JAK2: variants seen among roughly 807,000 people sequenced by gnomAD.
JAK2 encodes the protein tyrosine-protein kinase JAK2.
JAK2 carries 86 observed loss-of-function variants against 139.3 expected under a neutral mutation model. The ratio of observed to expected loss-of-function variants is 0.62; its 90% CI spans 0.52 to 0.74. JAK2 has a LOEUF of 0.74. Ranked by LOEUF, JAK2 falls within the 30% of genes least tolerant of loss-of-function variation. JAK2 has a pLI of 0.00. For missense variants in JAK2, 1,421 were observed against 1,360.3 expected (o/e 1.04, Z -0.70); for synonymous variants, 490 against 437.7 (o/e 1.12, Z -1.49).
chr9:5,068,643 A>G (rs543210044), intron 10 of JAK2, among the ~76,000 whole-genome samples: 1 of 152,224 alleles, frequency 6.6e-6, no homozygotes, highest in Non-Finnish European at 1.5e-5. Flanking sequence ...CGTAGGTTGT[A>G]TGTTGGCAGT....
intron 14 of JAK2, 105 bp from the exon 15 acceptor site, chr9:5,077,348 T>C: frequency 2.5e-6 from 1 of 392,450 alleles, no homozygotes; most frequent in Non-Finnish European, 4.2e-6. Context: ...GCCAATTTAA[T>C]TTCTTTACCT....
At chr9:4,998,938 CA>C (rs1301680725) in intron 2 of JAK2, among the ~76,000 whole-genome samples, 3 of 151,872 alleles carry the variant, frequency 2.0e-5, no homozygotes, top group African/African-American at 7.3e-5. Context: ...TCTCCTGCCT[CA>C]GCCTCCGGAG....
chr9:5,076,950 A>G (rs964384677), intron 14 of JAK2, among the ~76,000 whole-genome samples: 3 of 151,898 alleles, frequency 2.0e-5, no homozygotes, highest in Admixed American at 6.6e-5. Context: ...TTTTTTAAAA[A>G]AGTTTTAAAG....
chr9:5,074,394 T>C (rs1186081713), intron 14 of JAK2, among the ~76,000 whole-genome samples: 1 of 152,182 alleles, frequency 6.6e-6, no homozygotes, highest in Non-Finnish European at 1.5e-5. Context: ...GTCAGCAACA[T>C]TTTCCCAACA....
intron 2 of JAK2, among the ~76,000 whole-genome samples, chr9:5,016,949 A>G (rs1470371279): frequency 6.6e-6 from 1 of 152,246 alleles, no homozygotes; most frequent in East Asian, 1.9e-4. Context: ...GAAAAAAGAC[A>G]TGAATCTTTA....
intron 19 of JAK2, chr9:5,084,958 A>T: frequency 1.5e-6 from 1 of 680,562 alleles, no homozygotes; most frequent in Non-Finnish European, 2.6e-6. Context: ...TCTTAGGCAC[A>T]GTCTGAGATA....
intron 2 of JAK2, among the ~76,000 whole-genome samples, chr9:5,020,177 CGAT>C (rs1822320520): frequency 6.6e-6 from 1 of 152,076 alleles, no homozygotes; most frequent in African/African-American, 2.4e-5. Context: ...GCAGTGACGG[CGAT>C]TGGCTGGGTA....
At position 5,116,003 on chromosome 9, in the gene JAK2, C is replaced by G. The variant is rs896770277; in HGVS notation, c.3060-7001C>G. On this transcript the variant is annotated intron_variant, in intron 22 of 24. Coordinates refer to ENST00000381652, the MANE Select transcript of JAK2 (RefSeq NM_004972.4). Reference sequence around the variant, plus strand: ...GCAAACCACCATGACACGTGTATACCTACGTTAACAAACCTGCACCTTCTG... The same window carrying G: ...GCAAACCACCATGACACGTGTATACGTACGTTAACAAACCTGCACCTTCTG... Among the ~76,000 whole-genome samples, 5 of 151,818 alleles carry G rather than the reference C, an allele frequency of 3.3e-5. No individual in the cohort carries two copies. The East Asian group carries it at 7.7e-4, about 23-fold the overall frequency.
At chr9:5,046,294 T>C (rs571492574) in intron 5 of JAK2, among the ~76,000 whole-genome samples, 1 of 152,328 alleles carries the variant, frequency 6.6e-6, no homozygotes, top group African/African-American at 2.4e-5. Context: ...TAGAAATTAT[T>C]ATTCTGGATC....
chr9:5,103,641 C>G (rs1821709060), intron 22 of JAK2, among the ~76,000 whole-genome samples: 1 of 152,206 alleles, frequency 6.6e-6, no homozygotes, highest in Non-Finnish European at 1.5e-5. Flanking sequence ...CGACATCACA[C>G]TTATTCCAAA....
intron 4 of JAK2, among the ~76,000 whole-genome samples, chr9:5,038,499 T>A (rs1318568727): frequency 6.6e-6 from 1 of 151,612 alleles, no homozygotes; most frequent in East Asian, 1.9e-4. Context: ...ATGTTGTAGG[T>A]AGAAAATCAA....
chr9:5,002,911 C>A (rs10120763), intron 2 of JAK2, among the ~76,000 whole-genome samples: 1 of 151,520 alleles, frequency 6.6e-6, no homozygotes, highest in South Asian at 2.1e-4. Flanking sequence ...ATTTGTGTAC[C>A]GTATGAAGTA....
chr9:5,065,764 T>C (rs1818527267), intron 9 of JAK2, among the ~76,000 whole-genome samples: 1 of 152,210 alleles, frequency 6.6e-6, no homozygotes, highest in Non-Finnish European at 1.5e-5. Context: ...GTGGTTTATG[T>C]TGACAACAGA....
intron 19 of JAK2, chr9:5,085,289 TAGAAC>T: frequency 1.4e-6 from 1 of 713,966 alleles, no homozygotes; most frequent in South Asian, 1.4e-5. Flanking sequence ...TTGCCTATGT[TAGAAC>T]ATGAGGTGAA....
Position 5,085,965 on chromosome 9 carries a change from C to T in JAK2, c.2572-3709C>T. 4 of 1,100,528 alleles carry T rather than the reference C, an allele frequency of 3.6e-6. No individual in the cohort carries two copies. In the South Asian group the frequency reaches 4.9e-5, roughly 14 times the overall value. The allele number at this position is 1,100,528 out of a possible 1,614,324, so 68.2% of individuals were successfully genotyped here. On this transcript the variant is annotated intron_variant, in intron 19 of 24. Transcript: ENST00000381652. ...TTTGAAAGGATCGGTGTATTTCTCA[C>T]CACTGTGTGTTTTGCTGTACGGGGT...
intron 22 of JAK2, among the ~76,000 whole-genome samples, chr9:5,103,049 A>G (rs1821637255): frequency 6.6e-6 from 1 of 151,936 alleles, no homozygotes; most frequent in Non-Finnish European, 1.5e-5. Flanking sequence ...TAACAATATT[A>G]ACCTTAAATG....
chr9:5,064,525 CAA>C (rs1381775824), intron 8 of JAK2, among the ~76,000 whole-genome samples: 12 of 84,636 alleles, frequency 1.4e-4, no homozygotes, highest in Admixed American at 3.7e-4. Flanking sequence ...GCAAGACTCT[CAA>C]AAAAAAAAAA....
rs2130491697 is a variant in JAK2, at chr9:5,064,906, G to T, written c.1080G>T (p.Arg360Ser). The change falls in exon 9 of 25, where the codon AGG becomes AGT. Residue 360 changes from arginine to serine, a missense_variant. By Grantham distance (110) the Arg-to-Ser change is moderately radical. Coordinates refer to ENST00000381652, the MANE Select transcript of JAK2 (RefSeq NM_004972.4). Reference sequence around the variant, plus strand: ...AGGAAATTGAACTTAGCTCATTAAGGGAAGCTTTGTCTTTCGTGTCATTAA... The same window carrying T: ...AGGAAATTGAACTTAGCTCATTAAGTGAAGCTTTGTCTTTCGTGTCATTAA... The part of the protein sequence containing the change: ...KNLEIELSSL[R>S]EALSFVSLID... 1.3e-6 allele frequency: 2 copies of T among 1,586,418 alleles called. No homozygotes were observed. Among genetic ancestry groups the T allele is most frequent in the Non-Finnish European group, 1.7e-6 (2 of 1,166,160 alleles).
At chr9:4,994,872 T>A (rs1324519842) in intron 2 of JAK2, among the ~76,000 whole-genome samples, 1 of 152,232 alleles carries the variant, frequency 6.6e-6, no homozygotes, top group Non-Finnish European at 1.5e-5. Context: ...AAAAAAATTA[T>A]CTATTTTTTG....
Sources: gnomAD v4.1 joint callset for allele counts (sites outside exome capture counted in the v4.1 genomes callset) on GRCh38, gnomAD v4.1.1 for gene constraint, MANE v1.5 for transcripts, NCBI Gene and HGNC (gene_info 2026-07-23, HGNC 2026-07-21) for gene names.